Variants in ADGRB3 observed in about 807,000 individuals in gnomAD.
ADGRB3 encodes brain-specific angiogenesis inhibitor 3.
In ADGRB3, 37 loss-of-function variants were observed where a neutral mutation model predicts 193.4. The observed-to-expected ratio is 0.19, with a 90% confidence interval of 0.15 to 0.25. The LOEUF (loss-of-function observed/expected upper bound fraction) is 0.25. ADGRB3 is among the 10% of genes least tolerant of loss of function. The pLI, the probability that ADGRB3 is intolerant of heterozygous loss-of-function variation, is 1.00. For missense variants in ADGRB3, 1,637 were observed against 1,852.9 expected (o/e 0.88, Z 2.14); for synonymous variants, 690 against 644.2 (o/e 1.07, Z -1.08).
intron 3 of ADGRB3, among the ~76,000 whole-genome samples, chr6:68,647,587 T>C (rs1768247020): frequency 6.6e-6 from 1 of 152,162 alleles, no homozygotes; most frequent in Admixed American, 6.6e-5. Context: ...GAAGAACAGG[T>C]AACATCTCAA....
At chr6:68,733,063 A>G (rs1236014627) in intron 3 of ADGRB3, among the ~76,000 whole-genome samples, 3 of 151,676 alleles carry the variant, frequency 2.0e-5, no homozygotes, top group African/African-American at 7.3e-5. Context: ...TACAGTATGG[A>G]GATTTCTCAG....
chr6:69,048,355 G>T (rs764221968), intron 14 of ADGRB3, 21 bp downstream of exon 14: 49 of 1,602,980 alleles, frequency 3.1e-5, no homozygotes, highest in Non-Finnish European at 1.0e-5. Context: ...GAAATAATAT[G>T]AGCTTGAACA....
chr6:69,175,478 A>G (rs1207687941), intron 17 of ADGRB3, among the ~76,000 whole-genome samples: 2 of 151,882 alleles, frequency 1.3e-5, no homozygotes, highest in Non-Finnish European at 2.9e-5. Flanking sequence ...TGGGTTCTCT[A>G]TTTTGTTCCA....
chr6:69,083,637 A>G (rs749975546), intron 17 of ADGRB3, among the ~76,000 whole-genome samples: 20 of 152,216 alleles, frequency 1.3e-4, no homozygotes, highest in Admixed American at 5.9e-4. Flanking sequence ...TGACTTTTTC[A>G]TATTCCTTTG....
intron 3 of ADGRB3, among the ~76,000 whole-genome samples, chr6:68,772,889 AAAAAAATATATATATATATATATATATAT>A (rs1177050641): frequency 2.3e-5 from 1 of 43,610 alleles, no homozygotes; most frequent in Non-Finnish European, 3.7e-5. Context: ...AAACAAAAAA[AAAAAAATATATATATATATATATATATAT>A]ATATATATAT....
chr6:69,338,365 G>A (rs1204345963), intron 24 of ADGRB3, among the ~76,000 whole-genome samples: 1 of 152,026 alleles, frequency 6.6e-6, no homozygotes, highest in Admixed American at 6.6e-5. Context: ...CTAAAATGTG[G>A]ACGATACATA....
intron 3 of ADGRB3, among the ~76,000 whole-genome samples, chr6:68,668,388 A>G (rs914704727): frequency 6.6e-6 from 1 of 152,142 alleles, no homozygotes. Flanking sequence ...AGGAATTCAT[A>G]TTAGGAAGCT....
At chr6:69,036,249 G>A (rs2150295921) in intron 13 of ADGRB3, among the ~76,000 whole-genome samples, 1 of 152,264 alleles carries the variant, frequency 6.6e-6, no homozygotes, top group Non-Finnish European at 1.5e-5. Flanking sequence ...CTGTGTACAA[G>A]GAGTGAGTTA....
At chr6:68,947,610 A>G (rs923132182) in intron 6 of ADGRB3, among the ~76,000 whole-genome samples, 3 of 152,164 alleles carry the variant, frequency 2.0e-5, no homozygotes, top group Admixed American at 2.0e-4. Context: ...CTTTTGCAAG[A>G]GAACACATAT....
intron 17 of ADGRB3, among the ~76,000 whole-genome samples, chr6:69,081,655 A>C (rs1772389578): frequency 6.6e-6 from 1 of 151,932 alleles, no homozygotes; most frequent in South Asian, 2.1e-4. Context: ...TTCTTCAGGT[A>C]AATTTTTCTT....
At chr6:68,839,003 T>C (rs1406434249) in intron 3 of ADGRB3, among the ~76,000 whole-genome samples, 1 of 152,070 alleles carries the variant, frequency 6.6e-6, no homozygotes, top group African/African-American at 2.4e-5. Context: ...ACTGGTTACA[T>C]GACCTGAGAG....
chr6:68,913,113 G>C (rs1321372583), intron 3 of ADGRB3, among the ~76,000 whole-genome samples: 1 of 152,226 alleles, frequency 6.6e-6, no homozygotes, highest in Non-Finnish European at 1.5e-5. Context: ...ACCTCTGGGG[G>C]CAGGGCACTG....
intron 20 of ADGRB3, among the ~76,000 whole-genome samples, chr6:69,285,648 G>T (rs1404045033): frequency 1.3e-5 from 2 of 152,000 alleles, no homozygotes; most frequent in African/African-American, 4.8e-5. Flanking sequence ...TCCAGCCTGG[G>T]CAACAGAGCG....
At chr6:68,950,350 T>A (rs908343828) in intron 6 of ADGRB3, among the ~76,000 whole-genome samples, 1 of 152,192 alleles carries the variant, frequency 6.6e-6, no homozygotes, top group South Asian at 2.1e-4. Context: ...AAAGTGTTGA[T>A]TCTGACCTGG....
intron 3 of ADGRB3, among the ~76,000 whole-genome samples, chr6:68,798,456 T>C (rs12214149): frequency 0.26 from 39,385 of 151,242 alleles, 5,679 homozygotes; most frequent in East Asian, 0.65. Context: ...TGGTTTTCTG[T>C]TCTTGTGATA....
chr6:69,334,028 A>G (rs897965010), intron 24 of ADGRB3, among the ~76,000 whole-genome samples: 5 of 150,780 alleles, frequency 3.3e-5, no homozygotes, highest in Non-Finnish European at 7.4e-5. Context: ...AAAAATATGT[A>G]TATATAATGA....
rs567843214 is a variant in ADGRB3 at position 69,267,957 on chromosome 6, A to G, written c.2814+28731A>G. Among the ~76,000 whole-genome samples, 9 of 152,172 alleles carry G rather than the reference A, an allele frequency of 5.9e-5. No individual in the cohort carries two copies. The South Asian group carries it at 1.9e-3, about 32-fold the overall frequency. Reference sequence around the variant, plus strand: ...ATTCAGTGAACTTTTTGTGTGGCCCACATGTCAGGCACGATTTGTTCCTTA... The same window carrying G: ...ATTCAGTGAACTTTTTGTGTGGCCCGCATGTCAGGCACGATTTGTTCCTTA... On this transcript the variant is annotated intron_variant, in intron 20 of 31. Transcript: ENST00000370598.
intron 3 of ADGRB3, among the ~76,000 whole-genome samples, chr6:68,771,409 CACAT>C (rs1314680631): frequency 6.0e-4 from 74 of 122,650 alleles, no homozygotes; most frequent in African/African-American, 2.0e-3. Flanking sequence ...CACACACACA[CACAT>C]ATATGTATAC....
chr6:69,059,613 G>C (rs1367133169), intron 15 of ADGRB3, among the ~76,000 whole-genome samples: 1 of 152,126 alleles, frequency 6.6e-6, no homozygotes. Context: ...TTTTCTAGCA[G>C]TGAATGCAAA....
Sources: allele counts gnomAD v4.1 joint callset (sites outside exome capture counted in the v4.1 genomes callset), GRCh38; gene constraint gnomAD v4.1.1; transcripts MANE v1.5; gene names NCBI Gene and HGNC (gene_info 2026-07-23, HGNC 2026-07-21).